The following CLMN variants were observed in gnomAD, a reference collection of about 807,000 sequenced individuals.
CLMN encodes calmin (calponin-like, transmembrane).
CLMN carries 57 observed loss-of-function variants against 92.7 expected under a neutral mutation model. The ratio of observed to expected loss-of-function variants is 0.61; its 90% CI spans 0.50 to 0.77. The LOEUF is 0.77. CLMN is among the 30% of genes least tolerant of loss of function. The pLI, the probability that CLMN is intolerant of heterozygous loss-of-function variation, is 0.00. For missense variants in CLMN, 1,158 were observed against 1,237.5 expected, an observed-to-expected ratio of 0.94 and a Z score of 0.96; for synonymous variants, 466 against 470.6, an observed-to-expected ratio of 0.99 and a Z score of 0.13.
chr14:95,247,543 C>T (rs569901745), intron 1 of CLMN, among the ~76,000 whole-genome samples: 153 of 152,324 alleles, frequency 1.0e-3, no homozygotes, highest in African/African-American at 3.5e-3. Context: ...ACTGTGCACA[C>T]TTCATCCTTT....
At chr14:95,286,745 G>A (rs1429608862) in intron 1 of CLMN, among the ~76,000 whole-genome samples, 1 of 152,174 alleles carries the variant, frequency 6.6e-6, no homozygotes, top group African/African-American at 2.4e-5. Context: ...GCAGGGAGGG[G>A]ACTGCCCTTC....
At chr14:95,292,629 G>A (rs1198452778) in intron 1 of CLMN, among the ~76,000 whole-genome samples, 1 of 152,058 alleles carries the variant, frequency 6.6e-6, no homozygotes, top group African/African-American at 2.4e-5. Flanking sequence ...GGGGACCGAC[G>A]GTACCCTCTG....
rs1349727686 is a variant in CLMN at position 95,203,385 on chromosome 14, G to C, written c.1964C>G (p.Pro655Arg). 1 of 1,613,914 alleles carries C rather than the reference G, an allele frequency of 6.2e-7. No individual in the cohort carries two copies. The highest frequency in any genetic ancestry group is 8.5e-7 in the Non-Finnish European group (1 of 1,180,008). The part of the protein sequence containing the change: ...APEETPVDKK[P>R]EVHEKAKRKS... ...TCTCTTGGCCTTTTCATGCACCTCTGGCTTTTTATCCACTGGTGTCTCTTC... is the reference window on the plus strand; with the variant it reads ...TCTCTTGGCCTTTTCATGCACCTCTCGCTTTTTATCCACTGGTGTCTCTTC... Residue 655 changes from proline (P) to arginine (R), a missense_variant, in exon 9 of 13, where the codon CCA becomes CGA. Physicochemically the swap from Pro to Arg is moderately radical, Grantham distance 103. Transcript: ENST00000298912.
At chr14:95,289,554 T>C (rs1452834887) in intron 1 of CLMN, among the ~76,000 whole-genome samples, 3 of 152,148 alleles carry the variant, frequency 2.0e-5, no homozygotes, top group Admixed American at 6.5e-5. Context: ...CCTTATCATA[T>C]GTATACTATA....
intron 1 of CLMN, among the ~76,000 whole-genome samples, chr14:95,285,492 C>T (rs1218112952): frequency 2.0e-5 from 3 of 152,190 alleles, no homozygotes; most frequent in Non-Finnish European, 2.9e-5. Flanking sequence ...CATGTGAACG[C>T]TGTCTGGGCC....
intron 3 of CLMN, among the ~76,000 whole-genome samples, chr14:95,223,198 T>G (rs890701936): frequency 2.6e-5 from 4 of 152,214 alleles, no homozygotes; most frequent in African/African-American, 9.7e-5. Flanking sequence ...CAAGAAACTA[T>G]GTGACCCAAA....
chr14:95,217,915 G>T (rs1897404077), intron 4 of CLMN, among the ~76,000 whole-genome samples: 2 of 152,260 alleles, frequency 1.3e-5, no homozygotes, highest in East Asian at 3.8e-4. Flanking sequence ...CAGAGAACTG[G>T]GATGAGGGAA....
At chr14:95,306,108 G>C (rs1901265880) in intron 1 of CLMN, among the ~76,000 whole-genome samples, 1 of 152,142 alleles carries the variant, frequency 6.6e-6, no homozygotes. Flanking sequence ...AGAGAAGCGA[G>C]GGGGACCACA....
At chr14:95,258,740 GGT>G (rs1177390381) in intron 1 of CLMN, among the ~76,000 whole-genome samples, 2 of 144,814 alleles carry the variant, frequency 1.4e-5, no homozygotes, top group Non-Finnish European at 3.0e-5. Flanking sequence ...ATGTATCTGT[GGT>G]GTGTGTGTGG....
At chr14:95,287,220 T>C (rs1006377596) in intron 1 of CLMN, among the ~76,000 whole-genome samples, 8 of 152,042 alleles carry the variant, frequency 5.3e-5, no homozygotes, top group African/African-American at 1.9e-4. Context: ...TACAAATAAA[T>C]AAAAACCTCC....
intron 1 of CLMN, among the ~76,000 whole-genome samples, chr14:95,303,016 A>T (rs1901123665): frequency 6.6e-6 from 1 of 152,186 alleles, no homozygotes; most frequent in East Asian, 1.9e-4. Flanking sequence ...GTCTCCAAAG[A>T]GTGTTTCCAC....
intron 5 of CLMN, among the ~76,000 whole-genome samples, 193 bp from the exon 6 acceptor site, chr14:95,213,602 T>C (rs1897254728): frequency 6.6e-6 from 1 of 152,138 alleles, no homozygotes. Context: ...TGTCCGTTTC[T>C]TGTGGCTTGT....
At chr14:95,230,282 G>A in intron 1 of CLMN, 149 bp from the exon 2 acceptor site, 1 of 708,706 alleles carries the variant, frequency 1.4e-6, no homozygotes, top group Non-Finnish European at 2.5e-6. Flanking sequence ...GAAGGGGTTG[G>A]CAACGCCTTA....
intron 1 of CLMN, among the ~76,000 whole-genome samples, chr14:95,231,904 T>G (rs1464160770): frequency 1.3e-5 from 2 of 152,250 alleles, no homozygotes; most frequent in Non-Finnish European, 2.9e-5. Flanking sequence ...TTAACTAATT[T>G]AATCCTTACT....
intron 8 of CLMN, among the ~76,000 whole-genome samples, chr14:95,205,129 A>C (rs557492143): frequency 6.6e-6 from 1 of 152,272 alleles, no homozygotes; most frequent in South Asian, 2.1e-4. Context: ...AGAGAGAAGA[A>C]ATTAAATAAA....
Position 95,302,801 on chromosome 14 carries a change from G to A in CLMN, c.82+16910C>T, listed in dbSNP as rs557307542. ...CAAGGACCCATAATTTGGCTAAAGC[G>A]CTGCAGCTGCAAAGTGAAGAAGCTA... On this transcript the variant is annotated intron_variant, in intron 1 of 12. Transcript: ENST00000298912. Among the ~76,000 whole-genome samples the A allele has an allele frequency of 1.1e-4, 17 of 152,290 alleles. No individual in the cohort carries two copies. The South Asian group carries it at 2.9e-3, about 26-fold the overall frequency.
At chr14:95,220,169 C>CCTT (rs1555387706) in intron 4 of CLMN, among the ~76,000 whole-genome samples, 2 of 71,796 alleles carry the variant, frequency 2.8e-5, no homozygotes, top group Non-Finnish European at 4.9e-5. Flanking sequence ...GGATAGGTCC[C>CCTT]TTTTTTTTTT....
At chr14:95,235,561 G>A (rs953069150) in intron 1 of CLMN, among the ~76,000 whole-genome samples, 2 of 152,278 alleles carry the variant, frequency 1.3e-5, no homozygotes, top group South Asian at 2.1e-4. Context: ...GGAATGACTC[G>A]TGGGCACTGG....
At chr14:95,224,296 T>G (rs1230891363) in intron 2 of CLMN, among the ~76,000 whole-genome samples, 1 of 152,192 alleles carries the variant, frequency 6.6e-6, no homozygotes, top group African/African-American at 2.4e-5. Flanking sequence ...TTTATTTATT[T>G]TGAGACAAGA....
Sources: gnomAD v4.1 joint callset for allele counts (sites outside exome capture counted in the v4.1 genomes callset) on GRCh38, gnomAD v4.1.1 for gene constraint, MANE v1.5 for transcripts, NCBI Gene and HGNC (gene_info 2026-07-23, HGNC 2026-07-21) for gene names.